OXR1: variants seen among roughly 807,000 people sequenced by gnomAD.
OXR1 encodes the protein oxidation resistance 1.
A neutral mutation model predicts 104.6 loss-of-function variants in OXR1; 41 were observed. The ratio of observed to expected loss-of-function variants is 0.39; its 90% CI spans 0.31 to 0.51. The LOEUF (loss-of-function observed/expected upper bound fraction) is 0.51. Among genes scored for constraint, OXR1 ranks in the 20% least tolerant of loss-of-function variants. The pLI is 0.77. For missense variants in OXR1, 955 were observed against 1,031.9 expected, an observed-to-expected ratio of 0.93 and a Z score of 1.02; for synonymous variants, 348 against 348.4, an observed-to-expected ratio of 1.00 and a Z score of 0.01.
At chr8:106,730,249 G>C (rs947300732) in intron 11 of OXR1, among the ~76,000 whole-genome samples, 2 of 152,068 alleles carry the variant, frequency 1.3e-5, no homozygotes, top group African/African-American at 4.8e-5. Context: ...TTGTCATGCA[G>C]AGTCTATAGT....
chr8:106,316,728 CTATCTATCTATCTATCT>C (rs1813972234), intron 1 of OXR1, among the ~76,000 whole-genome samples: 1 of 96,668 alleles, frequency 1.0e-5, no homozygotes, highest in South Asian at 3.5e-4. Context: ...ATCTATCTAT[CTATCTATCTATCTATCT>C]ATCTATCTAT....
chr8:106,476,393 T>A (rs75846160), intron 2 of OXR1, among the ~76,000 whole-genome samples: 256 of 152,036 alleles, frequency 1.7e-3, no homozygotes, highest in Non-Finnish European at 2.8e-3. Context: ...GACCTTCCTG[T>A]TGTGCAGCCA....
chr8:106,583,663 T>C (rs1818415791), intron 3 of OXR1, among the ~76,000 whole-genome samples: 1 of 152,188 alleles, frequency 6.6e-6, no homozygotes, highest in Non-Finnish European at 1.5e-5. Context: ...AGAAAGCTAA[T>C]GCTAACAGTG....
At chr8:106,405,522 CA>C (rs1325296522) in intron 2 of OXR1, among the ~76,000 whole-genome samples, 2 of 152,156 alleles carry the variant, frequency 1.3e-5, no homozygotes, top group Non-Finnish European at 2.9e-5. Context: ...CTTCAGCCCA[CA>C]AAATCCAGCA....
intron 3 of OXR1, among the ~76,000 whole-genome samples, chr8:106,573,870 C>G (rs1817646036): frequency 1.3e-5 from 2 of 151,928 alleles, no homozygotes; most frequent in South Asian, 4.2e-4. Context: ...TGTTCTCCAT[C>G]AGTTGATTCT....
intron 2 of OXR1, among the ~76,000 whole-genome samples, chr8:106,445,065 C>T (rs974562725): frequency 3.9e-5 from 6 of 152,036 alleles, no homozygotes; most frequent in African/African-American, 1.4e-4. Context: ...ATGAGTCTAC[C>T]AACAGAGCCA....
intron 1 of OXR1, among the ~76,000 whole-genome samples, chr8:106,350,531 C>T (rs899676263): frequency 1.8e-4 from 27 of 152,128 alleles, no homozygotes; most frequent in African/African-American, 6.5e-4. Flanking sequence ...ACTAATACTT[C>T]CCATGAAATG....
At chr8:106,591,744 A>G (rs1819110011) in intron 3 of OXR1, among the ~76,000 whole-genome samples, 1 of 152,218 alleles carries the variant, frequency 6.6e-6, no homozygotes, top group Admixed American at 6.5e-5. Context: ...GTTGGATGAA[A>G]TAAGAAACCA....
intron 1 of OXR1, among the ~76,000 whole-genome samples, chr8:106,277,654 T>C (rs73698689): frequency 0.016 from 2,438 of 152,314 alleles, 35 homozygotes; most frequent in South Asian, 0.055. Context: ...TGCACTGCAG[T>C]TTCCATTGCA....
chr8:106,520,748 T>C (rs1813195717), intron 3 of OXR1, among the ~76,000 whole-genome samples: 3 of 152,228 alleles, frequency 2.0e-5, no homozygotes, highest in Admixed American at 2.0e-4. Context: ...CCTTCTCTCC[T>C]CTGCAACATG....
intron 3 of OXR1, among the ~76,000 whole-genome samples, chr8:106,597,391 A>T (rs1368228338): frequency 1.3e-5 from 2 of 152,170 alleles, no homozygotes; most frequent in East Asian, 3.9e-4. Context: ...TGGAATTCTC[A>T]GCCTCCAGAA....
At chr8:106,633,126 G>A (rs758304797) in intron 3 of OXR1, among the ~76,000 whole-genome samples, 12 of 151,500 alleles carry the variant, frequency 7.9e-5, no homozygotes, top group Non-Finnish European at 1.3e-4. Context: ...CCAGCTACTC[G>A]GGAGGCTGAG....
rs1298390290 is a variant in OXR1, at chr8:106,752,523, A to G, written c.*1582A>G. The G allele has an allele frequency of 6.6e-6, 1 of 152,526 alleles. No individual in the cohort carries two copies. Among genetic ancestry groups the G allele is most frequent in the Non-Finnish European group, 1.5e-5 (1 of 67,956 alleles). The allele number at this position is 152,526 out of a possible 1,614,324, so 9.4% of individuals were successfully genotyped here. ...ACAATATATAGATTAAATGTTTACA[A>G]TATAGGGAATTGTAAATAAATATAT... On this transcript the variant is annotated 3_prime_UTR_variant, in exon 17 of 17. Transcript: ENST00000517566.
At chr8:106,384,511 A>T (rs1336588669) in intron 2 of OXR1, among the ~76,000 whole-genome samples, 1 of 152,178 alleles carries the variant, frequency 6.6e-6, no homozygotes, top group South Asian at 2.1e-4. Flanking sequence ...GAGTATAAGG[A>T]TACAGAACTA....
At chr8:106,720,039 C>T (rs1832690456) in intron 11 of OXR1, among the ~76,000 whole-genome samples, 2 of 152,168 alleles carry the variant, frequency 1.3e-5, no homozygotes, top group African/African-American at 2.4e-5. Context: ...ATCTCCTGCC[C>T]TCATGATCCG....
chr8:106,739,569 G>C lies in OXR1; in HGVS notation c.2149G>C (p.Asp717His). The C allele has an allele frequency of 1.2e-6, 2 of 1,613,246 alleles. No homozygotes were observed. The highest frequency in any genetic ancestry group is 8.5e-7 in the Non-Finnish European group (1 of 1,179,652). The change falls in exon 13 of 17, where the codon GAT becomes CAT. Residue 717 changes from aspartate (D) to histidine (H), a missense_variant. Around this residue, in one of 2 missense-constraint regions of OXR1, gnomAD observed 849 missense variants for 852.9 expected, o/e 1.00. Coordinates refer to ENST00000517566, the MANE Select transcript of OXR1 (RefSeq NM_001198533.2). ...TGATCCCAGTGAACTTTTACTGCCA[G>C]ATCAAATTGAAAAGGTATGACATGC... is the stretch of plus-strand genomic sequence containing the variant. ...LSDPSELLLP[D>H]QIEKLTKHLP...
At chr8:106,581,993 C>T (rs954133729) in intron 3 of OXR1, among the ~76,000 whole-genome samples, 6 of 118,638 alleles carry the variant, frequency 5.1e-5, no homozygotes, top group South Asian at 5.4e-4. Flanking sequence ...CACTGCACCA[C>T]AGCCTGGGCA....
chr8:106,606,273 T>C (rs935331539), intron 3 of OXR1, among the ~76,000 whole-genome samples: 1 of 149,672 alleles, frequency 6.7e-6, no homozygotes, highest in African/African-American at 2.5e-5. Flanking sequence ...CCTTAGAGCA[T>C]ATCACTATGA....
chr8:106,451,524 T>C (rs1820313873), intron 2 of OXR1, among the ~76,000 whole-genome samples: 1 of 152,212 alleles, frequency 6.6e-6, no homozygotes, highest in Non-Finnish European at 1.5e-5. Context: ...AGTTTCAATT[T>C]ATATAATGAT....
Sources: allele counts gnomAD v4.1 joint callset (sites outside exome capture counted in the v4.1 genomes callset), GRCh38; gene constraint gnomAD v4.1.1; regional missense constraint gnomAD v4.1.1; transcripts MANE v1.5; gene names NCBI Gene and HGNC (gene_info 2026-07-23, HGNC 2026-07-21).